Variants in RIPOR2 observed in about 807,000 individuals in gnomAD.
The protein encoded by RIPOR2 is rho family-interacting cell polarization regulator 2.
A neutral mutation model predicts 114.5 loss-of-function variants in RIPOR2; 39 were observed. The ratio of observed to expected loss-of-function variants is 0.34; its 90% CI spans 0.26 to 0.44. The LOEUF is 0.44. RIPOR2 is among the 20% of genes least tolerant of loss of function. The pLI, the probability that RIPOR2 is intolerant of heterozygous loss-of-function variation, is 1.00. For synonymous variants in RIPOR2, 445 were observed against 484.4 expected, an observed-to-expected ratio of 0.92 and a Z score of 1.07; for missense variants, 1,007 against 1,255.1, an observed-to-expected ratio of 0.80 and a Z score of 2.99.
At chr6:25,019,901 A>T (rs576332140) in intron 1 of RIPOR2, among the ~76,000 whole-genome samples, 1 of 151,814 alleles carries the variant, frequency 6.6e-6, no homozygotes, top group South Asian at 2.1e-4. Flanking sequence ...AATTCTTGTT[A>T]TCATGGGGAT....
chr6:24,961,431 G>T (rs1467431603), intron 1 of RIPOR2, among the ~76,000 whole-genome samples: 2 of 152,150 alleles, frequency 1.3e-5, no homozygotes, highest in Non-Finnish European at 2.9e-5. Context: ...TGCATACAGT[G>T]TAATATGGTG....
chr6:25,035,852 CCT>C (rs1777224101), intron 1 of RIPOR2, among the ~76,000 whole-genome samples: 1 of 152,140 alleles, frequency 6.6e-6, no homozygotes, highest in Admixed American at 6.5e-5. Context: ...CCTCTGTCTC[CCT>C]GAGATCTTGC....
At chr6:24,850,040 G>T in intron 10 of RIPOR2, 90 bp from the exon 11 acceptor site, 2 of 1,081,368 alleles carry the variant, frequency 1.8e-6, no homozygotes, top group Non-Finnish European at 1.3e-6. Flanking sequence ...GAGCTAGGTT[G>T]GTCATTTCTT....
chr6:24,946,379 G>T (rs906642679), intron 1 of RIPOR2, among the ~76,000 whole-genome samples: 1 of 151,966 alleles, frequency 6.6e-6, no homozygotes, highest in East Asian at 1.9e-4. Context: ...CCTGCCAACC[G>T]TCTCATTTTT....
chr6:24,841,871 G>A, intron 13 of RIPOR2, among the ~76,000 whole-genome samples: 1 of 152,164 alleles, frequency 6.6e-6, no homozygotes, highest in East Asian at 1.9e-4. Flanking sequence ...GCCCGCCTTG[G>A]CCTTCCAACA....
At chr6:25,025,727 T>C (rs1776583818) in intron 1 of RIPOR2, among the ~76,000 whole-genome samples, 1 of 152,242 alleles carries the variant, frequency 6.6e-6, no homozygotes, top group Admixed American at 6.5e-5. Context: ...ATGATGACTA[T>C]GCATATTCAA....
chr6:24,860,932 A>C (rs1281247335), intron 8 of RIPOR2, 41 bp downstream of exon 8: 8 of 1,319,936 alleles, frequency 6.1e-6, no homozygotes, highest in Middle Eastern at 1.8e-4. Context: ...TGCACTCTGC[A>C]GAGATGGCTC....
chr6:24,882,949 C>T (rs1766489601), intron 1 of RIPOR2, among the ~76,000 whole-genome samples: 2 of 152,076 alleles, frequency 1.3e-5, no homozygotes, highest in Admixed American at 1.3e-4. Context: ...GGCAGTTTGG[C>T]CAGAGGCTAA....
chr6:24,818,027 T>C (rs998210568), intron 20 of RIPOR2, among the ~76,000 whole-genome samples: 9 of 132,638 alleles, frequency 6.8e-5, no homozygotes, highest in African/African-American at 2.2e-4. Context: ...TGGAGTACAA[T>C]GGCACAATCT....
chr6:24,969,431 G>T (rs1773676875), intron 1 of RIPOR2, among the ~76,000 whole-genome samples: 1 of 152,206 alleles, frequency 6.6e-6, no homozygotes, highest in Non-Finnish European at 1.5e-5. Context: ...ATCTAAAACA[G>T]TAGTTCTCCA....
chr6:25,031,556 GAT>G (rs3056856), intron 1 of RIPOR2, among the ~76,000 whole-genome samples: 9,562 of 142,802 alleles, frequency 0.067, 444 homozygotes, highest in African/African-American at 0.14. Flanking sequence ...AAGATTGACT[GAT>G]ATATATATAT....
At chr6:24,878,684 G>T (rs1008189991) in intron 1 of RIPOR2, among the ~76,000 whole-genome samples, 2 of 152,074 alleles carry the variant, frequency 1.3e-5, no homozygotes, top group African/African-American at 4.8e-5. Context: ...GTATGGGGAG[G>T]GTTGTAAAGT....
chr6:24,829,591 C>T (rs1173654114), intron 17 of RIPOR2, among the ~76,000 whole-genome samples: 1 of 152,142 alleles, frequency 6.6e-6, no homozygotes, highest in East Asian at 1.9e-4. Context: ...AACATCACTG[C>T]GTTCCCCCTG....
chr6:24,838,116 G>A (rs1029720346), intron 14 of RIPOR2, among the ~76,000 whole-genome samples: 5 of 152,154 alleles, frequency 3.3e-5, no homozygotes, highest in African/African-American at 7.2e-5. Context: ...TGAGGACACC[G>A]GACGGTGAAG....
chr6:24,829,836 G>C (rs181318346), intron 17 of RIPOR2, among the ~76,000 whole-genome samples: 1 of 152,152 alleles, frequency 6.6e-6, no homozygotes, highest in Non-Finnish European at 1.5e-5. Context: ...CCAACGGTAG[G>C]GGGTATATTG....
intron 5 of RIPOR2, among the ~76,000 whole-genome samples, chr6:24,870,311 T>A (rs1765032981): frequency 6.6e-6 from 1 of 152,228 alleles, no homozygotes; most frequent in Non-Finnish European, 1.5e-5. Flanking sequence ...TTCTTAAACT[T>A]ATAAAAACAC....
intron 1 of RIPOR2, chr6:24,877,203 C>T (rs956396622): frequency 3.8e-5 from 37 of 985,316 alleles, no homozygotes; most frequent in Admixed American, 1.2e-4. Context: ...CAAAGCTACG[C>T]GAAGCAGCTC....
chr6:24,862,981 CT>C lies in RIPOR2; in HGVS notation c.652-1946del, dbSNP rs772041558. On this transcript the variant is annotated intron_variant, in intron 7 of 21. Coordinates refer to ENST00000643898, the MANE Select transcript of RIPOR2 (RefSeq NM_001286445.3). ...CTTTTTTGTTTTTTTGAGATAGAGTCTCTATCTGTCACCCAGGCTGGAGTGT... is the reference window on the plus strand; with the variant it reads ...CTTTTTTGTTTTTTTGAGATAGAGTCCTATCTGTCACCCAGGCTGGAGTGT... 2.6e-5 allele frequency among the ~76,000 whole-genome samples: 4 copies of C among 152,122 alleles called. No homozygotes were observed. The East Asian group carries it at 7.7e-4, about 29-fold the overall frequency.
At chr6:24,878,636 C>T (rs1230956587) in intron 1 of RIPOR2, among the ~76,000 whole-genome samples, 1 of 152,100 alleles carries the variant, frequency 6.6e-6, no homozygotes, top group Non-Finnish European at 1.5e-5. Flanking sequence ...TGGCTCCTAT[C>T]CCCAGGCACT....
Sources: gnomAD v4.1 joint callset for allele counts (sites outside exome capture counted in the v4.1 genomes callset) on GRCh38, gnomAD v4.1.1 for gene constraint, MANE v1.5 for transcripts, NCBI Gene and HGNC (gene_info 2026-07-23, HGNC 2026-07-21) for gene names.